The following PLAGL2 variants were observed in gnomAD, a reference collection of about 807,000 sequenced individuals.
PLAGL2 encodes the protein PLAG1 like zinc finger 2.
Under a neutral mutation model 29.0 loss-of-function variants are expected in PLAGL2, and 7 were observed. That is an observed-to-expected ratio of 0.24 (90% CI 0.14 to 0.45). The LOEUF (loss-of-function observed/expected upper bound fraction) is 0.45. Among genes scored for constraint, PLAGL2 ranks in the 20% least tolerant of loss-of-function variants. The pLI, the probability that PLAGL2 is intolerant of heterozygous loss-of-function variation, is 0.99. For missense variants in PLAGL2, 454 were observed against 648.2 expected (o/e 0.70, Z 3.25); for synonymous variants, 234 against 266.0 (o/e 0.88, Z 1.17).
In PLAGL2 at chr20:32,197,328, A is replaced by G; in HGVS notation, c.615T>C (p.Asp205=). ...HCDRRFYTRK[D]VRRHLVVHTG... ...TGTGCACCACTAGGTGCCGCCGTAC[A>G]TCCTTACGAGTATAGAACCGCCGGT... The change falls in exon 3 of 3, where the codon GAT becomes GAC. Residue 205 remains aspartate (D), a synonymous_variant. Coordinates refer to ENST00000246229, the MANE Select transcript of PLAGL2 (RefSeq NM_002657.3). This position sits in a 1 kb window ranked among gnomAD's most constrained non-coding sequence, Gnocchi z 6.6. The G allele has an allele frequency of 1.2e-6, 2 of 1,602,330 alleles. No homozygotes were observed. Among genetic ancestry groups the G allele is most frequent in the Non-Finnish European group, 1.7e-6 (2 of 1,173,222 alleles).
At chr20:32,202,494 T>A (rs2047265146) in intron 1 of PLAGL2, among the ~76,000 whole-genome samples, 1 of 152,218 alleles carries the variant, frequency 6.6e-6, no homozygotes. Context: ...TTTTGAGGAT[T>A]AAATGAGATC....
At position 32,192,811 on chromosome 20, in the gene PLAGL2, A is replaced by T. The variant is rs1427265691; in HGVS notation, c.*3641T>A. On this transcript the variant is annotated 3_prime_UTR_variant, in exon 3 of 3. Coordinates refer to ENST00000246229, the MANE Select transcript of PLAGL2 (RefSeq NM_002657.3). ...CTGGTAGGGAGGGAGAAGCATGAGA[A>T]GTGGTGTCTCAGGAGTTCTAGTGCC... 1.3e-5 allele frequency: 2 copies of T among 152,622 alleles called. No homozygotes were observed. Among genetic ancestry groups the T allele is most frequent in the Non-Finnish European group, 2.9e-5 (2 of 68,052 alleles). 9.5% of individuals were successfully genotyped at this position (152,622 alleles called of 1,614,324 possible). A position where few individuals can be genotyped will look rare whatever the true frequency, so the allele number is the denominator to read the frequency against.
chr20:32,202,139 C>G lies in PLAGL2; in HGVS notation c.40G>C (p.Asp14His). The change falls in exon 2 of 3, where the codon GAT becomes CAT. Residue 14 changes from aspartate (D) to histidine (H), a missense_variant. This residue lies in a region of PLAGL2 where 89 missense variants were observed against 90.4 expected (regional missense o/e 0.98). Transcript: ENST00000246229. ...CCCACTTCCTCCTCCTGCTTTGCAT[C>G]TTGAATCCAGGGGGGGACGCTGGTG... ...FFTSVPPWIQ[D>H]AKQEEEVGWK... The G allele has an allele frequency of 6.2e-7, 1 of 1,614,206 alleles. No homozygotes were observed. Among genetic ancestry groups the G allele is most frequent in the Non-Finnish European group, 8.5e-7 (1 of 1,180,032 alleles).
chr20:32,204,561 C>T (rs2047276170), intron 1 of PLAGL2, among the ~76,000 whole-genome samples: 1 of 152,192 alleles, frequency 6.6e-6, no homozygotes, highest in African/African-American at 2.4e-5. Flanking sequence ...ACACCCTGAT[C>T]CTACTCTCCT....
At chr20:32,201,882 A>G in intron 2 of PLAGL2, 37 bp downstream of exon 2, 2 of 1,569,690 alleles carry the variant, frequency 1.3e-6, no homozygotes, top group East Asian at 2.3e-5. Flanking sequence ...CCCTCTGGGA[A>G]CCTCAGGGCA....
At position 32,194,486 on chromosome 20, in the gene PLAGL2, T is replaced by A. The variant is rs2047217674; in HGVS notation, c.*1966A>T. The A allele has an allele frequency of 6.6e-6, 1 of 152,632 alleles. No homozygotes were observed. Among genetic ancestry groups the A allele is most frequent in the Non-Finnish European group, 1.5e-5 (1 of 68,040 alleles). 9.5% of individuals were successfully genotyped at this position (152,632 alleles called of 1,614,324 possible). A position where few individuals can be genotyped will look rare whatever the true frequency, so the allele number is the denominator to read the frequency against. On this transcript the variant is annotated 3_prime_UTR_variant, in exon 3 of 3. Coordinates refer to ENST00000246229, the MANE Select transcript of PLAGL2 (RefSeq NM_002657.3). ...CAGACATTTTAATATCTGGTGTTTTTAAAAAGGTATCCCAAGCTACCCTGC... is the reference window on the plus strand; with the variant it reads ...CAGACATTTTAATATCTGGTGTTTTAAAAAAGGTATCCCAAGCTACCCTGC...
chr20:32,201,446 C>T (rs1285869674), intron 2 of PLAGL2, among the ~76,000 whole-genome samples: 2 of 152,026 alleles, frequency 1.3e-5, no homozygotes, highest in South Asian at 2.1e-4. Flanking sequence ...CAACCAGGTG[C>T]GGTGGTTCAA....
At chr20:32,200,372 G>A (rs1308501573) in intron 2 of PLAGL2, among the ~76,000 whole-genome samples, 1 of 152,168 alleles carries the variant, frequency 6.6e-6, no homozygotes, top group African/African-American at 2.4e-5. Context: ...CGGTAGCTGG[G>A]ACTACAGGCG....
In PLAGL2 at chr20:32,196,176, AAGTGTGGCTC is replaced by A. The variant is rs2047226832; in HGVS notation, c.*266_*275del. 3.9e-6 allele frequency: 1 copy of A among 254,204 alleles called. No homozygotes were observed. The highest frequency in any genetic ancestry group is 2.2e-5 in the African/African-American group (1 of 45,198). The allele number at this position is 254,204 out of a possible 1,614,324, so 15.7% of individuals were successfully genotyped here. Reference sequence around the variant, plus strand: ...TGGCGCTTTGGAGAGGAAGAGGGCCAAGTGTGGCTCCCGATTCAGGTCAAAAAAATAAAAG... The same window carrying A: ...TGGCGCTTTGGAGAGGAAGAGGGCCACCGATTCAGGTCAAAAAAATAAAAG... On this transcript the variant is annotated 3_prime_UTR_variant, in exon 3 of 3. Coordinates refer to ENST00000246229, the MANE Select transcript of PLAGL2 (RefSeq NM_002657.3).
At position 32,202,281 on chromosome 20, in the gene PLAGL2, C is replaced by T; in HGVS notation, c.-103G>A. ...AGCCTCCAACGCAGCTTTCAGAAAA[C>T]AATCTCTTCACCTGAAACATCAGAA... On this transcript the variant is annotated 5_prime_UTR_variant, in exon 2 of 3. Coordinates refer to ENST00000246229, the MANE Select transcript of PLAGL2 (RefSeq NM_002657.3). 1.7e-6 allele frequency: 2 copies of T among 1,167,616 alleles called. No homozygotes were observed. Among genetic ancestry groups the T allele is most frequent in the Admixed American group, 2.2e-5 (1 of 45,906 alleles). The allele number at this position is 1,167,616 out of a possible 1,614,324, so 72.3% of individuals were successfully genotyped here. A position where few individuals can be genotyped will look rare whatever the true frequency, so the allele number is the denominator to read the frequency against.
Position 32,196,520 on chromosome 20 carries a change from A to G in PLAGL2, c.1423T>C (p.Leu475=), listed in dbSNP as rs144082476. ...AGGCCAGACGTGAAGACAGGAGGCA[A>G]GGAGTGCAGAGGCCCAAAGTTCAGT... ...GPLNFGPLHS[L]PPVFTSGLSS... Residue 475 remains leucine (L), a synonymous_variant, in exon 3 of 3, where the codon TTG becomes CTG. Transcript: ENST00000246229. 8.4e-5 allele frequency: 128 copies of G among 1,523,572 alleles called. No homozygotes were observed. The highest frequency in any genetic ancestry group is 1.0e-4 in the Non-Finnish European group (115 of 1,139,344). 94.4% of individuals were successfully genotyped at this position (1,523,572 alleles called of 1,614,324 possible).
chr20:32,201,208 T>C (rs1341693357), intron 2 of PLAGL2, among the ~76,000 whole-genome samples: 1 of 152,180 alleles, frequency 6.6e-6, no homozygotes, highest in Non-Finnish European at 1.5e-5. Flanking sequence ...TACTTTTCCT[T>C]CTAAAGTTCG....
Position 32,193,433 on chromosome 20 carries a change from T to C in PLAGL2, c.*3019A>G, listed in dbSNP as rs1006197495. The C allele has an allele frequency of 3.3e-5, 5 of 152,204 alleles. No individual in the cohort carries two copies. The highest frequency in any genetic ancestry group is 7.3e-5 in the Non-Finnish European group (5 of 68,040). 9.4% of individuals were successfully genotyped at this position (152,204 alleles called of 1,614,324 possible). A position where few individuals can be genotyped will look rare whatever the true frequency, so the allele number is the denominator to read the frequency against. On this transcript the variant is annotated 3_prime_UTR_variant, in exon 3 of 3. Coordinates refer to ENST00000246229, the MANE Select transcript of PLAGL2 (RefSeq NM_002657.3). Reference sequence around the variant, plus strand: ...TGCAGGGAACCTCATTGGCGCTCCTTTCCCTGCCTCCCACCTCAAGATGAT... The same window carrying C: ...TGCAGGGAACCTCATTGGCGCTCCTCTCCCTGCCTCCCACCTCAAGATGAT...
chr20:32,197,698 G>A lies in PLAGL2; in HGVS notation c.261-16C>T, dbSNP rs201086415. 6.2e-7 allele frequency: 1 copy of A among 1,604,948 alleles called. No individual in the cohort carries two copies. The highest frequency in any genetic ancestry group is 2.2e-5 in the East Asian group (1 of 44,758). ...GGCCATGTGCCTGGGGGTAGAGACA[G>A]GGGATAGGGGAGAAAGCAGAAAGAG... On this transcript the variant is annotated splice_polypyrimidine_tract_variant and intron_variant, in intron 2 of 2. Coordinates refer to ENST00000246229, the MANE Select transcript of PLAGL2 (RefSeq NM_002657.3). The surrounding 1 kb of genome is among the most constrained non-coding windows in gnomAD (Gnocchi z 6.6).
Position 32,195,239 on chromosome 20 carries a change from C to G in PLAGL2, c.*1213G>C, listed in dbSNP as rs1024236234. Reference sequence around the variant, plus strand: ...CATAGATTAGGACTTAGCTATCTACCCATTCCTAACCTTCTGCAAACTCTT... The same window carrying G: ...CATAGATTAGGACTTAGCTATCTACGCATTCCTAACCTTCTGCAAACTCTT... On this transcript the variant is annotated 3_prime_UTR_variant, in exon 3 of 3. Coordinates refer to ENST00000246229, the MANE Select transcript of PLAGL2 (RefSeq NM_002657.3). 5 of 152,416 alleles carry G rather than the reference C, an allele frequency of 3.3e-5. No homozygotes were observed. The highest frequency in any genetic ancestry group is 1.2e-4 in the African/African-American group (5 of 41,422). The allele number at this position is 152,416 out of a possible 1,614,324, so 9.4% of individuals were successfully genotyped here.
In PLAGL2 at chr20:32,202,036, G is replaced by C; in HGVS notation, c.143C>G (p.Pro48Arg). ...CCTCAGCTTCTCCCCATTTGAGAAA[G>C]GTGTTCCCGAAATTTCACATTGGCA... ...VKCQCEISGTPFSNGEKLRPH... is the reference protein window; with the variant it reads ...VKCQCEISGTRFSNGEKLRPH... Residue 48 changes from proline to arginine, a missense_variant, in exon 2 of 3, where the codon CCT (proline) becomes CGT (arginine). This residue lies in a region of PLAGL2 where 89 missense variants were observed against 90.4 expected (regional missense o/e 0.98). Transcript: ENST00000246229. 1 of 1,614,190 alleles carries C rather than the reference G, an allele frequency of 6.2e-7. No individual in the cohort carries two copies. The highest frequency in any genetic ancestry group is 8.5e-7 in the Non-Finnish European group (1 of 1,180,034).
chr20:32,201,263 A>C (rs1448187221), intron 2 of PLAGL2, among the ~76,000 whole-genome samples: 1 of 152,118 alleles, frequency 6.6e-6, no homozygotes, highest in African/African-American at 2.4e-5. Context: ...CCATCACCTG[A>C]CAAAGGTGAG....
intron 1 of PLAGL2, among the ~76,000 whole-genome samples, chr20:32,207,132 G>A (rs2047292749): frequency 6.6e-6 from 1 of 152,172 alleles, no homozygotes; most frequent in Non-Finnish European, 1.5e-5. Flanking sequence ...GACTTCTCCA[G>A]ACCCAGATAT....
At chr20:32,201,859 C>T (rs778702682) in intron 2 of PLAGL2, 60 bp downstream of exon 2, 81 of 1,449,680 alleles carry the variant, frequency 5.6e-5, no homozygotes, top group Non-Finnish European at 7.3e-5. Flanking sequence ...TAGGCAGAGT[C>T]TCTCTGCTTT....
Sources: gnomAD v4.1 joint callset for allele counts (sites outside exome capture counted in the v4.1 genomes callset) on GRCh38, gnomAD v4.1.1 for gene constraint, gnomAD v4.1.1 regional missense constraint, Gnocchi (gnomAD v3.1) non-coding constraint, MANE v1.5 for transcripts, NCBI Gene and HGNC (gene_info 2026-07-23, HGNC 2026-07-21) for gene names.